ASIC2: variants seen among roughly 807,000 people sequenced by gnomAD.
ASIC2 encodes the protein acid-sensing ion channel 2.
ASIC2 carries 25 observed loss-of-function variants against 57.3 expected under a neutral mutation model. That is an observed-to-expected ratio of 0.44 (90% CI 0.32 to 0.61). ASIC2 has a LOEUF of 0.61. Among genes scored for constraint, ASIC2 ranks in the 20% least tolerant of loss-of-function variants. ASIC2 has a pLI of 0.06. For missense variants in ASIC2, 641 were observed against 738.1 expected (o/e 0.87, Z 1.52); for synonymous variants, 319 against 307.5 (o/e 1.04, Z -0.39).
intron 1 of ASIC2, among the ~76,000 whole-genome samples, chr17:33,601,320 C>CT (rs1183082564): frequency 6.6e-6 from 1 of 152,174 alleles, no homozygotes; most frequent in East Asian, 1.9e-4. Context: ...TCCTTTCCAT[C>CT]TAGGGCCTTG....
chr17:34,135,855 C>T (rs916372733), intron 1 of ASIC2, among the ~76,000 whole-genome samples: 3 of 152,012 alleles, frequency 2.0e-5, no homozygotes, highest in African/African-American at 7.2e-5. Flanking sequence ...CTAAACCATC[C>T]TCAACCAGGA....
chr17:33,770,783 C>A (rs1183632673), intron 1 of ASIC2, among the ~76,000 whole-genome samples: 1 of 152,192 alleles, frequency 6.6e-6, no homozygotes, highest in South Asian at 2.1e-4. Context: ...TTGAAACCTG[C>A]AGGGCTGGTT....
Position 33,013,287 on chromosome 17 carries a change from G to A in ASIC2, c.*678C>T, listed in dbSNP as rs562387447. 2 of 153,232 alleles carry A rather than the reference G, an allele frequency of 1.3e-5. No individual in the cohort carries two copies. Among genetic ancestry groups the A allele is most frequent in the African/African-American group, 4.8e-5 (2 of 41,578 alleles). 9.5% of individuals were successfully genotyped at this position (153,232 alleles called of 1,614,324 possible). On this transcript the variant is annotated 3_prime_UTR_variant, in exon 10 of 10. Coordinates refer to ENST00000225823, the MANE Select transcript of ASIC2 (RefSeq NM_183377.2). ...AGATAAAAAGAATCAGACTGTACAA[G>A]CTGTGTCACAGGGAGAGAAGAACGA...
chr17:33,593,743 G>A (rs1904899783), intron 1 of ASIC2, among the ~76,000 whole-genome samples: 1 of 152,186 alleles, frequency 6.6e-6, no homozygotes, highest in Non-Finnish European at 1.5e-5. Flanking sequence ...AGGGTAATAA[G>A]TAATTTTGAA....
chr17:33,579,596 T>C (rs905506311), intron 1 of ASIC2, among the ~76,000 whole-genome samples: 2 of 152,026 alleles, frequency 1.3e-5, no homozygotes, highest in Admixed American at 1.3e-4. Flanking sequence ...TTAAAGATGG[T>C]GTGTCGGGAG....
intron 1 of ASIC2, among the ~76,000 whole-genome samples, chr17:33,717,171 C>T (rs1450536438): frequency 6.6e-6 from 1 of 152,164 alleles, no homozygotes; most frequent in Non-Finnish European, 1.5e-5. Context: ...TATTCAGAGG[C>T]ACACAAAAAG....
intron 4 of ASIC2, among the ~76,000 whole-genome samples, chr17:33,026,562 G>A (rs1264836916): frequency 6.6e-6 from 1 of 152,178 alleles, no homozygotes; most frequent in Non-Finnish European, 1.5e-5. Context: ...GGGTTGTTTT[G>A]TGTTTCTTCA....
intron 3 of ASIC2, among the ~76,000 whole-genome samples, chr17:33,039,524 T>A (rs956236824): frequency 6.6e-5 from 10 of 152,236 alleles, no homozygotes; most frequent in Non-Finnish European, 1.5e-4. Context: ...CCTTTCCTTC[T>A]GCATGAGATC....
chr17:33,219,757 C>T (rs1007000960), intron 1 of ASIC2, among the ~76,000 whole-genome samples: 3 of 152,166 alleles, frequency 2.0e-5, no homozygotes, highest in Non-Finnish European at 2.9e-5. Flanking sequence ...AGAGTGGGCA[C>T]ACAAGTTCCT....
At chr17:34,059,533 C>T (rs938410998) in intron 1 of ASIC2, among the ~76,000 whole-genome samples, 22 of 152,172 alleles carry the variant, frequency 1.4e-4, no homozygotes, top group African/African-American at 5.1e-4. Flanking sequence ...GTGCAGACTT[C>T]ATAGGCAAGG....
At chr17:33,837,451 T>A in intron 1 of ASIC2, among the ~76,000 whole-genome samples, 1 of 152,258 alleles carries the variant, frequency 6.6e-6, no homozygotes, top group East Asian at 1.9e-4. Flanking sequence ...TAGTGCTCAC[T>A]GTAATTTAGC....
At chr17:33,028,133 C>G in intron 4 of ASIC2, 109 bp downstream of exon 4, 1 of 1,423,726 alleles carries the variant, frequency 7.0e-7, no homozygotes, top group Non-Finnish European at 9.5e-7. Flanking sequence ...GAACATCATC[C>G]TTTTGGATCC....
chr17:33,362,759 C>T lies in ASIC2; in HGVS notation c.556-250692G>A, dbSNP rs536650289. ...CCCTAAGATCTAGAACAGTGCCTGA[C>T]ATGAAAGAGACGCTCTTCAAATGTA... On this transcript the variant is annotated intron_variant, in intron 1 of 9. Transcript: ENST00000359872. 2.6e-5 allele frequency among the ~76,000 whole-genome samples: 4 copies of T among 152,220 alleles called. No individual in the cohort carries two copies. In the South Asian group the frequency reaches 6.2e-4, roughly 24 times the overall value.
chr17:33,851,570 T>G (rs222490), intron 1 of ASIC2, among the ~76,000 whole-genome samples: 1 of 151,820 alleles, frequency 6.6e-6, no homozygotes, highest in African/African-American at 2.4e-5. Context: ...TTCCGCTTAT[T>G]CTAGAAGATG....
intron 1 of ASIC2, among the ~76,000 whole-genome samples, chr17:33,332,551 G>A (rs1029602625): frequency 1.3e-5 from 2 of 152,114 alleles, no homozygotes; most frequent in Admixed American, 1.3e-4. Context: ...GATTGGACAA[G>A]GCTGCTTTAG....
chr17:33,449,242 G>A (rs374052389), intron 1 of ASIC2, among the ~76,000 whole-genome samples: 8 of 152,096 alleles, frequency 5.3e-5, no homozygotes, highest in Admixed American at 4.6e-4. Flanking sequence ...CCTGAGCTTG[G>A]TCTCATCATT....
chr17:33,431,094 C>T (rs1432788049), intron 1 of ASIC2, among the ~76,000 whole-genome samples: 2 of 152,206 alleles, frequency 1.3e-5, no homozygotes. Flanking sequence ...CATGTCCTCA[C>T]TGGAAAGCAC....
chr17:33,326,087 TA>T (rs568154743), intron 1 of ASIC2, among the ~76,000 whole-genome samples: 35 of 152,364 alleles, frequency 2.3e-4, no homozygotes, highest in African/African-American at 7.5e-4. Context: ...GCAAGTGGTC[TA>T]AATCTTGGCA....
At chr17:33,243,738 T>A (rs139042631) in intron 1 of ASIC2, among the ~76,000 whole-genome samples, 1 of 152,234 alleles carries the variant, frequency 6.6e-6, no homozygotes, top group African/African-American at 2.4e-5. Flanking sequence ...TAGGGCTTTT[T>A]TTCACTTAAA....
Sources: allele counts gnomAD v4.1 joint callset (sites outside exome capture counted in the v4.1 genomes callset), GRCh38; gene constraint gnomAD v4.1.1; transcripts MANE v1.5; gene names NCBI Gene and HGNC (gene_info 2026-07-23, HGNC 2026-07-21).